The following ALK variants were observed in gnomAD, a reference collection of about 807,000 sequenced individuals.
The protein encoded by ALK is ALK tyrosine kinase receptor.
ALK carries 74 observed loss-of-function variants against 163.1 expected under a neutral mutation model. The observed-to-expected ratio is 0.45, with a 90% CI of 0.38 to 0.55. ALK has a LOEUF of 0.55. ALK is among the 20% of genes least tolerant of loss of function. ALK has a pLI of 0.00. For synonymous variants in ALK, 960 were observed against 843.2 expected, an observed-to-expected ratio of 1.14 and a Z score of -2.40; for missense variants, 2,063 against 2,105.3, an observed-to-expected ratio of 0.98 and a Z score of 0.39.
At chr2:29,663,988 A>G (rs547816128) in intron 3 of ALK, among the ~76,000 whole-genome samples, 5 of 152,262 alleles carry the variant, frequency 3.3e-5, no homozygotes, top group African/African-American at 1.2e-4. Context: ...AAAAGAGAGG[A>G]AAGTACTACC....
chr2:29,791,283 T>C (rs939112083), intron 1 of ALK, among the ~76,000 whole-genome samples: 6 of 152,172 alleles, frequency 3.9e-5, no homozygotes, highest in Admixed American at 2.6e-4. Flanking sequence ...ATATACACCA[T>C]GGAATACTAT....
intron 24 of ALK, among the ~76,000 whole-genome samples, chr2:29,213,364 C>T (rs1192325557): frequency 1.3e-5 from 2 of 152,202 alleles, no homozygotes; most frequent in Non-Finnish European, 1.5e-5. Context: ...TGCTTCATTT[C>T]AGAGTATTTT....
intron 3 of ALK, among the ~76,000 whole-genome samples, chr2:29,572,542 A>T (rs1235345663): frequency 6.6e-6 from 1 of 151,948 alleles, no homozygotes; most frequent in Admixed American, 6.5e-5. Flanking sequence ...GTGCCAGGAA[A>T]ATCCATCCCC....
At chr2:29,519,905 G>C (rs1672768311) in intron 4 of ALK, among the ~76,000 whole-genome samples, 1 of 152,054 alleles carries the variant, frequency 6.6e-6, no homozygotes, top group South Asian at 2.1e-4. Flanking sequence ...GGAAACAGTT[G>C]GACAGAATGT....
intron 1 of ALK, among the ~76,000 whole-genome samples, chr2:29,845,321 A>T (rs979404484): frequency 6.6e-6 from 1 of 152,082 alleles, no homozygotes; most frequent in Admixed American, 6.5e-5. Context: ...ATTCTGGGGG[A>T]TGTTAATAGG....
At position 29,233,706 on chromosome 2, in the gene ALK, C is replaced by T; in HGVS notation, c.2356-10G>A. On this transcript the variant is annotated splice_polypyrimidine_tract_variant and intron_variant, in intron 13 of 28. Coordinates refer to ENST00000389048, the MANE Select transcript of ALK (RefSeq NM_004304.5). ...GGATTAACTGGTTTGTCTGTAGAAACAAAAAGCACGTTAGGTTTGTGGCCA... is the reference window on the plus strand; with the variant it reads ...GGATTAACTGGTTTGTCTGTAGAAATAAAAAGCACGTTAGGTTTGTGGCCA... The T allele has an allele frequency of 6.2e-7, 1 of 1,614,208 alleles. No homozygotes were observed. Among genetic ancestry groups the T allele is most frequent in the Non-Finnish European group, 8.5e-7 (1 of 1,180,036 alleles).
intron 2 of ALK, among the ~76,000 whole-genome samples, chr2:29,712,629 TGA>T (rs879622497): frequency 3.6e-4 from 54 of 151,316 alleles, no homozygotes; most frequent in South Asian, 6.2e-4. Context: ...TTTTTTTTTT[TGA>T]GAGAGAGATA....
chr2:29,690,990 T>C (rs1464251009), intron 3 of ALK, among the ~76,000 whole-genome samples: 1 of 152,180 alleles, frequency 6.6e-6, no homozygotes, highest in Non-Finnish European at 1.5e-5. Flanking sequence ...GCTCTGGGAT[T>C]AGGATTGGAA....
chr2:29,659,427 T>C (rs556280622), intron 3 of ALK, among the ~76,000 whole-genome samples: 33 of 152,198 alleles, frequency 2.2e-4, no homozygotes, highest in Non-Finnish European at 4.1e-4. Context: ...GCATAGGGTC[T>C]CCATGGTGAG....
At chr2:29,646,432 G>A (rs891528967) in intron 3 of ALK, among the ~76,000 whole-genome samples, 1 of 152,184 alleles carries the variant, frequency 6.6e-6, no homozygotes, top group Non-Finnish European at 1.5e-5. Flanking sequence ...GACAGCTGAA[G>A]GGGTCCTTTT....
At chr2:29,763,770 C>T (rs1680781116) in intron 1 of ALK, among the ~76,000 whole-genome samples, 1 of 152,102 alleles carries the variant, frequency 6.6e-6, no homozygotes, top group South Asian at 2.1e-4. Context: ...ATTCCTGAAA[C>T]CTTAACTCAT....
chr2:29,814,835 T>TACA (rs879278201), intron 1 of ALK, among the ~76,000 whole-genome samples: 22,040 of 151,630 alleles, frequency 0.15, 1,722 homozygotes, highest in South Asian at 0.19. Context: ...GTATGAGAAA[T>TACA]TGTAAGTACA....
intron 3 of ALK, among the ~76,000 whole-genome samples, chr2:29,645,328 G>T (rs1171316242): frequency 6.6e-6 from 1 of 152,122 alleles, no homozygotes; most frequent in Non-Finnish European, 1.5e-5. Flanking sequence ...GTCTTTCCTT[G>T]TGGGAAAAGT....
chr2:29,504,569 T>C (rs1205143027), intron 4 of ALK, among the ~76,000 whole-genome samples: 1 of 151,694 alleles, frequency 6.6e-6, no homozygotes, highest in African/African-American at 2.4e-5. Context: ...ATTTTGGAGA[T>C]GGAATTGACA....
At chr2:29,369,307 T>TG (rs1193583914) in intron 5 of ALK, among the ~76,000 whole-genome samples, 8 of 140,668 alleles carry the variant, frequency 5.7e-5, no homozygotes, top group Admixed American at 4.2e-4. Flanking sequence ...CACGTGCATA[T>TG]TTGTGTGTGT....
intron 3 of ALK, among the ~76,000 whole-genome samples, chr2:29,680,320 AAC>A (rs1678025373): frequency 6.6e-6 from 1 of 152,080 alleles, no homozygotes; most frequent in African/African-American, 2.4e-5. Context: ...CACATATTAT[AAC>A]ACTTCATGTT....
chr2:29,436,237 C>A (rs1286017803), intron 4 of ALK, among the ~76,000 whole-genome samples: 2 of 152,120 alleles, frequency 1.3e-5, no homozygotes, highest in Admixed American at 6.5e-5. Context: ...TCAAATACTT[C>A]AATTCCCCAG....
chr2:29,240,663 G>GGGAT (rs1465683647), intron 12 of ALK, among the ~76,000 whole-genome samples: 1 of 152,124 alleles, frequency 6.6e-6, no homozygotes, highest in African/African-American at 2.4e-5. Context: ...ACAGAGTGTG[G>GGGAT]GGATGGGAGA....
At chr2:29,861,097 A>T (rs1052564733) in intron 1 of ALK, among the ~76,000 whole-genome samples, 2 of 152,144 alleles carry the variant, frequency 1.3e-5, no homozygotes, top group Non-Finnish European at 2.9e-5. Context: ...ACTCGAGCCC[A>T]CGAGGTCAAG....
Sources: gnomAD v4.1 joint callset for allele counts (sites outside exome capture counted in the v4.1 genomes callset) on GRCh38, gnomAD v4.1.1 for gene constraint, MANE v1.5 for transcripts, NCBI Gene and HGNC (gene_info 2026-07-23, HGNC 2026-07-21) for gene names.